Variants in ABTB3 observed in about 807,000 individuals in gnomAD.
The protein encoded by ABTB3 is ankyrin repeat and BTB domain containing 3.
At chr12:107,543,181 C>T in the ABTB3 span, among the ~76,000 whole-genome samples, 557 of 151,796 alleles carry the variant, frequency 3.7e-3, 4 homozygotes, top group Non-Finnish European at 6.3e-3. Flanking sequence ...ACTAAAATTA[C>T]GAAAATTAAC....
At chr12:107,524,194 C>T in the ABTB3 span, among the ~76,000 whole-genome samples, 12 of 152,166 alleles carry the variant, frequency 7.9e-5, 1 homozygote, top group East Asian at 9.6e-4. Context: ...TTGCTAATTG[C>T]GAATGGGTTT....
the ABTB3 span, among the ~76,000 whole-genome samples, chr12:107,446,126 C>T: frequency 6.6e-6 from 1 of 152,064 alleles, no homozygotes; most frequent in Non-Finnish European, 1.5e-5. Flanking sequence ...CTGTCTACTA[C>T]AGTGGGAAGG....
chr12:107,467,679 G>C, the ABTB3 span, among the ~76,000 whole-genome samples: 2 of 152,096 alleles, frequency 1.3e-5, no homozygotes, highest in Admixed American at 6.5e-5. Context: ...GCTATATCAT[G>C]ATCCACTCAG....
the ABTB3 span, among the ~76,000 whole-genome samples, chr12:107,537,373 G>A: frequency 2.0e-5 from 3 of 152,120 alleles, no homozygotes. Context: ...CTAGAAGAGA[G>A]GATTTTGAAT....
the ABTB3 span, among the ~76,000 whole-genome samples, chr12:107,480,307 A>C: frequency 6.6e-6 from 1 of 152,198 alleles, no homozygotes; most frequent in Non-Finnish European, 1.5e-5. Flanking sequence ...TCCTATAGGA[A>C]ACAGGGAGCT....
the ABTB3 span, among the ~76,000 whole-genome samples, chr12:107,324,740 CA>C: frequency 4.0e-5 from 6 of 149,092 alleles, no homozygotes; most frequent in African/African-American, 9.9e-5. Context: ...AAAGACACAC[CA>C]AAAAAAAAGC....
chr12:107,506,154 G>A, the ABTB3 span, among the ~76,000 whole-genome samples: 1 of 152,170 alleles, frequency 6.6e-6, no homozygotes, highest in African/African-American at 2.4e-5. Flanking sequence ...CACCAATAGT[G>A]TATATGCATT....
chr12:107,505,349 A>T, the ABTB3 span, among the ~76,000 whole-genome samples: 1 of 152,194 alleles, frequency 6.6e-6, no homozygotes, highest in Non-Finnish European at 1.5e-5. Context: ...ATGAAACTAC[A>T]ATAATTAAGC....
chr12:107,574,369 G>T, the ABTB3 span, among the ~76,000 whole-genome samples: 2 of 152,168 alleles, frequency 1.3e-5, no homozygotes, highest in Non-Finnish European at 2.9e-5. Context: ...GTAGGTCATG[G>T]TTACTCAAAA....
At chr12:107,657,570 T>A in the ABTB3 span, 3 of 1,614,174 alleles carry the variant, frequency 1.9e-6, no homozygotes, top group Non-Finnish European at 2.5e-6. Flanking sequence ...AACATGATGG[T>A]CCTCATTGAA....
the ABTB3 span, among the ~76,000 whole-genome samples, chr12:107,614,724 T>A: frequency 6.6e-6 from 1 of 152,336 alleles, no homozygotes; most frequent in East Asian, 1.9e-4. Flanking sequence ...GGAGTCCTTC[T>A]TATGCACAAA....
At chr12:107,353,420 G>C in the ABTB3 span, among the ~76,000 whole-genome samples, 1 of 152,142 alleles carries the variant, frequency 6.6e-6, no homozygotes, top group South Asian at 2.1e-4. Flanking sequence ...ATATTGACAT[G>C]GGATCTGGGA....
the ABTB3 span, among the ~76,000 whole-genome samples, chr12:107,652,626 G>A: frequency 1.8e-4 from 28 of 152,214 alleles, 1 homozygote; most frequent in South Asian, 4.1e-4. Flanking sequence ...CCCCACCCCC[G>A]ATGACCTCAG....
At chr12:107,522,078 G>A in the ABTB3 span, among the ~76,000 whole-genome samples, 1 of 151,334 alleles carries the variant, frequency 6.6e-6, no homozygotes, top group South Asian at 2.1e-4. Flanking sequence ...TTGCAGATGG[G>A]TACCTTCTCC....
the ABTB3 span, among the ~76,000 whole-genome samples, chr12:107,548,074 C>T: frequency 1.3e-5 from 2 of 152,192 alleles, no homozygotes; most frequent in African/African-American, 4.8e-5. Flanking sequence ...GCAAGGGGGC[C>T]TCTGTTTTCA....
At chr12:107,606,143 C>A in the ABTB3 span, among the ~76,000 whole-genome samples, 3 of 152,122 alleles carry the variant, frequency 2.0e-5, no homozygotes, top group Non-Finnish European at 2.9e-5. Flanking sequence ...GGGGTCAGGT[C>A]AAAACCTGGC....
At chr12:107,520,488 G>C in the ABTB3 span, 1 of 1,613,652 alleles carries the variant, frequency 6.2e-7, no homozygotes, top group Non-Finnish European at 8.5e-7. Context: ...TGACTGCAGG[G>C]GTGCTGTGCC....
At chr12:107,610,703 C>T in the ABTB3 span, among the ~76,000 whole-genome samples, 2 of 152,110 alleles carry the variant, frequency 1.3e-5, no homozygotes, top group Admixed American at 6.5e-5. Context: ...AAAATTAGTT[C>T]TCTGCTTGTC....
chr12:107,474,447 C>T, the ABTB3 span, among the ~76,000 whole-genome samples: 2 of 152,166 alleles, frequency 1.3e-5, no homozygotes, highest in Admixed American at 6.5e-5. Flanking sequence ...GGGCTCTTTC[C>T]GAATGATTAA....
Sources: allele counts gnomAD v4.1 joint callset (sites outside exome capture counted in the v4.1 genomes callset), GRCh38; gene constraint gnomAD v4.1.1; transcripts MANE v1.5; gene names NCBI Gene and HGNC (gene_info 2026-07-23, HGNC 2026-07-21).